DPYD: variants seen among roughly 807,000 people sequenced by gnomAD.
DPYD encodes the protein dihydropyrimidine dehydrogenase [NADP(+)].
A neutral mutation model predicts 116.2 loss-of-function variants in DPYD; 109 were observed. The ratio of observed to expected loss-of-function variants is 0.94; its 90% CI spans 0.80 to 1.10. The LOEUF is 1.10. DPYD is among the 50% of genes least tolerant of loss of function. DPYD has a pLI of 0.00. For missense variants in DPYD, 1,302 were observed against 1,254.5 expected (o/e 1.04, Z -0.57); for synonymous variants, 440 against 432.0 (o/e 1.02, Z -0.23).
chr1:97,794,764 G>C (rs1044573384), intron 3 of DPYD, among the ~76,000 whole-genome samples: 2 of 152,020 alleles, frequency 1.3e-5, no homozygotes, highest in African/African-American at 4.8e-5. Flanking sequence ...TTAAAAAGTG[G>C]GAAGCCATGC....
At chr1:97,277,759 C>T (rs1020249159) in intron 18 of DPYD, among the ~76,000 whole-genome samples, 3 of 152,156 alleles carry the variant, frequency 2.0e-5, no homozygotes, top group Non-Finnish European at 4.4e-5. Flanking sequence ...CATTCTTATG[C>T]TGTATAGTCT....
At chr1:97,146,603 A>G (rs1654650162) in intron 20 of DPYD, among the ~76,000 whole-genome samples, 1 of 152,234 alleles carries the variant, frequency 6.6e-6, no homozygotes, top group Non-Finnish European at 1.5e-5. Flanking sequence ...TGTTAAATCT[A>G]AGAATACGGA....
At chr1:97,249,107 A>T (rs576806942) in intron 18 of DPYD, among the ~76,000 whole-genome samples, 1 of 152,236 alleles carries the variant, frequency 6.6e-6, no homozygotes, top group Non-Finnish European at 1.5e-5. Context: ...GATTCTTAAC[A>T]TTATTTAAAA....
chr1:97,449,503 G>A (rs1456934726), intron 14 of DPYD, among the ~76,000 whole-genome samples: 1 of 151,920 alleles, frequency 6.6e-6, no homozygotes, highest in Non-Finnish European at 1.5e-5. Flanking sequence ...GACTATTGAA[G>A]AGAAAATATT....
chr1:97,508,433 A>T (rs545746304), intron 13 of DPYD, among the ~76,000 whole-genome samples: 2 of 152,130 alleles, frequency 1.3e-5, no homozygotes, highest in East Asian at 1.9e-4. Context: ...TTGGCTTCTG[A>T]TGACAGCAGA....
At chr1:97,338,599 C>T (rs1175382200) in intron 16 of DPYD, among the ~76,000 whole-genome samples, 1 of 152,114 alleles carries the variant, frequency 6.6e-6, no homozygotes, top group East Asian at 1.9e-4. Flanking sequence ...AGGGGTGATG[C>T]AATAGGTAGG....
intron 14 of DPYD, among the ~76,000 whole-genome samples, chr1:97,383,203 G>A (rs939953358): frequency 4.6e-5 from 7 of 152,048 alleles, no homozygotes; most frequent in Admixed American, 2.0e-4. Context: ...TTGGCCAGGC[G>A]TGGTGGCTCA....
At chr1:97,266,359 G>A (rs1398952205) in intron 18 of DPYD, among the ~76,000 whole-genome samples, 3 of 151,904 alleles carry the variant, frequency 2.0e-5, no homozygotes, top group Non-Finnish European at 4.4e-5. Flanking sequence ...ATGGAGAGAG[G>A]GTACAAGGAC....
chr1:97,297,083 T>C (rs1666581721), intron 18 of DPYD, among the ~76,000 whole-genome samples: 1 of 152,186 alleles, frequency 6.6e-6, no homozygotes, highest in Admixed American at 6.5e-5. Context: ...AATTGTAGGG[T>C]ATTTGTAAGC....
chr1:97,843,639 T>C (rs1389589095), intron 2 of DPYD, among the ~76,000 whole-genome samples: 1 of 152,212 alleles, frequency 6.6e-6, no homozygotes, highest in Non-Finnish European at 1.5e-5. Flanking sequence ...AGGATACTCA[T>C]GTTTCTTTCC....
At chr1:97,645,879 T>G (rs1437184816) in intron 8 of DPYD, among the ~76,000 whole-genome samples, 1 of 152,088 alleles carries the variant, frequency 6.6e-6, no homozygotes, top group Admixed American at 6.6e-5. Context: ...ATTCTATATT[T>G]GAAGAAAATC....
intron 18 of DPYD, among the ~76,000 whole-genome samples, chr1:97,266,897 T>C (rs1447876808): frequency 6.6e-6 from 1 of 152,180 alleles, no homozygotes; most frequent in East Asian, 1.9e-4. Flanking sequence ...CCACGGTGTA[T>C]ATGTGCCACA....
At chr1:97,241,492 C>T (rs1662338216) in intron 18 of DPYD, among the ~76,000 whole-genome samples, 1 of 151,922 alleles carries the variant, frequency 6.6e-6, no homozygotes, top group Admixed American at 6.6e-5. Context: ...GGATGTAATA[C>T]ATTAAAAATA....
chr1:97,233,984 T>C (rs548891656), intron 19 of DPYD, among the ~76,000 whole-genome samples: 32 of 152,304 alleles, frequency 2.1e-4, no homozygotes, highest in African/African-American at 7.2e-4. Flanking sequence ...ATTGTCAAGT[T>C]AGCAACATGA....
intron 8 of DPYD, among the ~76,000 whole-genome samples, chr1:97,644,222 T>C (rs1557857531): frequency 1.3e-5 from 2 of 152,106 alleles, no homozygotes; most frequent in Non-Finnish European, 2.9e-5. Flanking sequence ...TGTCTGTATA[T>C]GGGGGAACTT....
intron 12 of DPYD, among the ~76,000 whole-genome samples, chr1:97,526,418 T>C (rs900692654): frequency 6.6e-6 from 1 of 152,104 alleles, no homozygotes; most frequent in Non-Finnish European, 1.5e-5. Context: ...CAGAAACACG[T>C]AGAGAGTTTT....
At chr1:97,746,734 C>T (rs74105302) in intron 3 of DPYD, among the ~76,000 whole-genome samples, 10,789 of 151,860 alleles carry the variant, frequency 0.071, 423 homozygotes, top group Middle Eastern at 0.11. Flanking sequence ...CAGTTATAAC[C>T]AGGAATGAAA....
intron 3 of DPYD, among the ~76,000 whole-genome samples, chr1:97,794,399 A>C (rs1355485797): frequency 6.6e-6 from 1 of 152,232 alleles, no homozygotes; most frequent in Non-Finnish European, 1.5e-5. Context: ...AAATGTCCTA[A>C]ACAGACACAT....
intron 3 of DPYD, among the ~76,000 whole-genome samples, chr1:97,787,475 G>A (rs1469029972): frequency 1.3e-5 from 2 of 152,156 alleles, no homozygotes; most frequent in Non-Finnish European, 2.9e-5. Flanking sequence ...TCTGTAATAC[G>A]TGAAGAAGAA....
Sources: gnomAD v4.1 joint callset for allele counts (sites outside exome capture counted in the v4.1 genomes callset) on GRCh38, gnomAD v4.1.1 for gene constraint, MANE v1.5 for transcripts, NCBI Gene and HGNC (gene_info 2026-07-23, HGNC 2026-07-21) for gene names.